Variants in PTPDC1 observed in about 807,000 individuals in gnomAD.
PTPDC1 encodes the protein protein tyrosine phosphatase domain containing 1, also known as protein tyrosine phosphatase domain-containing protein 1.
Under a neutral mutation model 75.3 loss-of-function variants are expected in PTPDC1, and 53 were observed. That is an observed-to-expected ratio of 0.70 (90% CI 0.56 to 0.88). PTPDC1 has a LOEUF of 0.88. Among genes scored for constraint, PTPDC1 ranks in the 40% least tolerant of loss-of-function variants. PTPDC1 has a pLI of 0.00. For synonymous variants in PTPDC1, 349 were observed against 366.2 expected (o/e 0.95, Z 0.54); for missense variants, 925 against 998.6 (o/e 0.93, Z 0.99).
rs945476972 is a variant in PTPDC1 at position 94,047,424 on chromosome 9, A to C, written c.-7+16297A>C. On this transcript the variant is annotated intron_variant, in intron 1 of 9. Transcript: ENST00000375360. ...CTGGGACACATTCAAAGCAGTGTGT[A>C]GAGGGAAATTTATAGCACTAAATGC... Among the ~76,000 whole-genome samples the C allele has an allele frequency of 3.9e-5, 6 of 152,224 alleles. 1 individual carries two copies. The highest frequency in any genetic ancestry group is 1.5e-5 in the Non-Finnish European group (1 of 68,040).
At position 94,104,305 on chromosome 9, in the gene PTPDC1, C is replaced by T; in HGVS notation, c.2230C>T (p.His744Tyr). 6.2e-7 allele frequency: 1 copy of T among 1,613,780 alleles called. No homozygotes were observed. The highest frequency in any genetic ancestry group is 8.5e-7 in the Non-Finnish European group (1 of 1,179,738). ...GQHQTILCVL[H>Y]CIVNLQTIPV... ...GCACCAGACTATTCTCTGCGTGTTG[C>T]ACTGCATAGTGAACCTGCAGACAAT... The change falls in exon 8 of 9, where the codon CAC (histidine) becomes TAC (tyrosine). Residue 744 changes from histidine to tyrosine, a missense_variant. Coordinates refer to ENST00000620992, the MANE Select transcript of PTPDC1 (RefSeq NM_001253829.2).
chr9:94,041,877 C>G (rs1229449309), intron 1 of PTPDC1, among the ~76,000 whole-genome samples: 1 of 152,194 alleles, frequency 6.6e-6, no homozygotes, highest in Non-Finnish European at 1.5e-5. Context: ...CTCTGATATG[C>G]TCATCACTCT....
At chr9:94,104,429 C>A in intron 8 of PTPDC1, 44 bp downstream of exon 8, 2 of 1,296,494 alleles carry the variant, frequency 1.5e-6, no homozygotes, top group Non-Finnish European at 2.2e-6. Flanking sequence ...CACAGATCAG[C>A]ATCATCTTTG....
chr9:94,058,705 C>A (rs1826033293), intron 1 of PTPDC1, among the ~76,000 whole-genome samples: 2 of 150,244 alleles, frequency 1.3e-5, no homozygotes, highest in South Asian at 4.2e-4. Flanking sequence ...GACTCTGTCT[C>A]AAAAAACAAA....
chr9:94,070,552 G>T (rs567871935), intron 2 of PTPDC1, among the ~76,000 whole-genome samples: 1 of 152,278 alleles, frequency 6.6e-6, no homozygotes, highest in East Asian at 1.9e-4. Context: ...GTAGCAGCTT[G>T]AAAAACTATT....
At chr9:94,098,728 T>G in intron 6 of PTPDC1, 149 bp downstream of exon 6, 1 of 702,122 alleles carries the variant, frequency 1.4e-6, no homozygotes, top group Non-Finnish European at 2.4e-6. Flanking sequence ...TCGTCTCTGA[T>G]GCGAACCTGA....
chr9:94,038,783 C>T (rs1825347737), intron 1 of PTPDC1, among the ~76,000 whole-genome samples: 1 of 152,120 alleles, frequency 6.6e-6, no homozygotes, highest in Admixed American at 6.5e-5. Context: ...CTCTTAAAGG[C>T]AAGGGTTGAA....
intron 2 of PTPDC1, among the ~76,000 whole-genome samples, chr9:94,069,760 C>G (rs1826446888): frequency 6.6e-6 from 1 of 151,116 alleles, no homozygotes; most frequent in Non-Finnish European, 1.5e-5. Flanking sequence ...AGTAATCTGC[C>G]TGCTTCAACC....
chr9:94,037,182 A>G (rs568979827), intron 1 of PTPDC1, among the ~76,000 whole-genome samples: 1 of 152,342 alleles, frequency 6.6e-6, no homozygotes, highest in Admixed American at 6.5e-5. Flanking sequence ...TAGGTGGAAA[A>G]GATTCTAGGA....
At chr9:94,100,872 G>A (rs1358601674) in intron 6 of PTPDC1, 2 of 152,100 alleles carry the variant, frequency 1.3e-5, no homozygotes, top group African/African-American at 4.8e-5. Flanking sequence ...CTCTCTGTGA[G>A]GTAAAGTATT....
At chr9:94,106,516 T>C (rs1226470514) in intron 8 of PTPDC1, among the ~76,000 whole-genome samples, 1 of 152,164 alleles carries the variant, frequency 6.6e-6, no homozygotes, top group Non-Finnish European at 1.5e-5. Context: ...TCCATGAGAC[T>C]TGAGAGACAA....
intron 4 of PTPDC1, among the ~76,000 whole-genome samples, chr9:94,091,473 G>C (rs1463661879): frequency 2.6e-5 from 4 of 152,074 alleles, no homozygotes; most frequent in Non-Finnish European, 5.9e-5. Context: ...TGTGCTGCTG[G>C]ATTCGTTTTG....
At chr9:94,057,607 A>C (rs1410718749) in intron 1 of PTPDC1, among the ~76,000 whole-genome samples, 1 of 152,240 alleles carries the variant, frequency 6.6e-6, no homozygotes, top group Non-Finnish European at 1.5e-5. Context: ...TCCTCACAAC[A>C]ACCAAAAAGA....
intron 7 of PTPDC1, among the ~76,000 whole-genome samples, chr9:94,102,472 AGGAAACG>A (rs1827877250): frequency 6.6e-6 from 1 of 152,158 alleles, no homozygotes; most frequent in South Asian, 2.1e-4. Context: ...CAATGGATCT[AGGAAACG>A]GGAGAAATTG....
intron 1 of PTPDC1, among the ~76,000 whole-genome samples, chr9:94,064,453 A>G (rs1180303422): frequency 6.6e-6 from 1 of 152,246 alleles, no homozygotes; most frequent in African/African-American, 2.4e-5. Context: ...AAACTGTATC[A>G]TTTGAGCAAT....
chr9:94,090,193 T>C, intron 4 of PTPDC1, among the ~76,000 whole-genome samples: 1 of 89,304 alleles, frequency 1.1e-5, no homozygotes, highest in African/African-American at 5.7e-5. Flanking sequence ...GGTTTTCTTC[T>C]AGGGTTTTTA....
At chr9:94,074,778 C>T (rs1051598994) in intron 2 of PTPDC1, among the ~76,000 whole-genome samples, 1 of 152,158 alleles carries the variant, frequency 6.6e-6, no homozygotes, top group African/African-American at 2.4e-5. Context: ...ACGTGAATAC[C>T]AACTAGTCTT....
At chr9:94,044,216 T>C (rs1214471691) in intron 1 of PTPDC1, among the ~76,000 whole-genome samples, 2 of 152,214 alleles carry the variant, frequency 1.3e-5, no homozygotes, top group African/African-American at 4.8e-5. Context: ...CAATATGAAT[T>C]TTATTACACC....
chr9:94,032,358 A>G (rs1259569763), intron 1 of PTPDC1, among the ~76,000 whole-genome samples: 1 of 152,096 alleles, frequency 6.6e-6, no homozygotes, highest in East Asian at 1.9e-4. Flanking sequence ...TGACCCAGGG[A>G]CCATTTTAAG....
Sources: gnomAD v4.1 joint callset for allele counts (sites outside exome capture counted in the v4.1 genomes callset) on GRCh38, gnomAD v4.1.1 for gene constraint, MANE v1.5 for transcripts, NCBI Gene and HGNC (gene_info 2026-07-23, HGNC 2026-07-21) for gene names.